Variants in ZNF318 observed in about 807,000 individuals in gnomAD.
The protein encoded by ZNF318 is zinc finger protein 318, also known as endocrine regulator.
In ZNF318, 51 loss-of-function variants were observed where a neutral mutation model predicts 124.2. The observed-to-expected ratio is 0.41, with a 90% CI of 0.33 to 0.52. The LOEUF is 0.52. Among genes scored for constraint, ZNF318 ranks in the 20% least tolerant of loss-of-function variants. The probability of loss-of-function intolerance (pLI) is 0.23; values close to 1 mark genes in which losing one functional copy is unlikely to be tolerated. For missense variants in ZNF318, 2,815 were observed against 2,811.2 expected (o/e 1.00, Z -0.03); for synonymous variants, 1,090 against 1,040.7 (o/e 1.05, Z -0.91).
chr6:43,355,950 C>A lies in ZNF318; in HGVS notation c.1384G>T (p.Asp462Tyr). The stretch of plus-strand genomic sequence containing the variant: ...AATTTTTCTCTGAGAGGACTGTTGT[C>A]TTTGGGAATCCCAGGAAGGGGACCC... ...QWGPLPGIPK[D>Y]NSPLREKFGS... The change falls in exon 4 of 10, where the codon GAC becomes TAC. Residue 462 changes from aspartate to tyrosine, a missense_variant. Transcript: ENST00000361428. 1.9e-6 allele frequency: 3 copies of A among 1,614,214 alleles called. No homozygotes were observed.
intron 1 of ZNF318, among the ~76,000 whole-genome samples, chr6:43,366,440 T>C (rs1779762279): frequency 6.6e-6 from 1 of 152,112 alleles, no homozygotes; most frequent in Admixed American, 6.5e-5. Context: ...CACCCTCACC[T>C]CCTTCAGATC....
At position 43,337,337 on chromosome 6, in the gene ZNF318, C is replaced by T; in HGVS notation, c.6661G>A (p.Ala2221Thr). 1.1e-5 allele frequency: 18 copies of T among 1,614,154 alleles called. No individual in the cohort carries two copies. Among genetic ancestry groups the T allele is most frequent in the Non-Finnish European group, 1.5e-5 (18 of 1,180,024 alleles). Reference protein sequence around the residue: ...EISNASTTEVAILQVDDDSGD... With the variant: ...EISNASTTEVTILQVDDDSGD... ...CTGTCATCATCTACTTGCAGAATTG[C>T]CACCTCTGTGGTGGATGCATTCGAT... The change falls in exon 10 of 10, where the codon GCA becomes ACA. Residue 2221 changes from alanine (A) to threonine (T), a missense_variant. Around this residue, in one of 4 missense-constraint regions of ZNF318, gnomAD observed 927 missense variants for 820.6 expected, o/e 1.13. Coordinates refer to ENST00000361428, the MANE Select transcript of ZNF318 (RefSeq NM_014345.3).
rs371600934 is a variant in ZNF318, at chr6:43,338,345, C to T, written c.5653G>A (p.Val1885Met). ...RSLLNPQDTPVKISAPELLLH... is the reference protein window; with the variant it reads ...RSLLNPQDTPMKISAPELLLH... Reference sequence around the variant, plus strand: ...AGCAACTCTGGGGCAGAAATTTTCACAGGTGTATCTTGTGGGTTGAGTAAA... The same window carrying T: ...AGCAACTCTGGGGCAGAAATTTTCATAGGTGTATCTTGTGGGTTGAGTAAA... Residue 1885 changes from valine to methionine, a missense_variant, in exon 10 of 10, where the codon GTG becomes ATG. By Grantham distance (21) the Val-to-Met change is conservative. Transcript: ENST00000361428. 3.7e-5 allele frequency: 60 copies of T among 1,614,078 alleles called. No homozygotes were observed. The highest frequency in any genetic ancestry group is 3.3e-5 in the Admixed American group (2 of 60,004).
intron 2 of ZNF318, among the ~76,000 whole-genome samples, chr6:43,364,999 T>C (rs2150758062): frequency 6.6e-6 from 1 of 152,334 alleles, no homozygotes; most frequent in East Asian, 1.9e-4. Context: ...ATCTCAACTG[T>C]TCTTCATTTG....
At position 43,339,154 on chromosome 6, in the gene ZNF318, G is replaced by A. The variant is rs1485609700; in HGVS notation, c.4844C>T (p.Thr1615Ile). 6.2e-7 allele frequency: 1 copy of A among 1,614,202 alleles called. No homozygotes were observed. The highest frequency in any genetic ancestry group is 8.5e-7 in the Non-Finnish European group (1 of 1,180,034). The change falls in exon 10 of 10, where the codon ACT (threonine) becomes ATT (isoleucine). Residue 1615 changes from threonine to isoleucine, a missense_variant. By Grantham distance (89) the Thr-to-Ile change is moderately conservative. Coordinates refer to ENST00000361428, the MANE Select transcript of ZNF318 (RefSeq NM_014345.3). The surrounding 1 kb of genome is among the most constrained non-coding windows in gnomAD (Gnocchi z 4.2). ...SRTKSSDTSS[T>I]SPLNSSASQE... Reference sequence around the variant, plus strand: ...GGATGCACTGCTGTTCAAAGGAGAAGTAGAAGAGGTGTCTGAACTTTTGGT... The same window carrying A: ...GGATGCACTGCTGTTCAAAGGAGAAATAGAAGAGGTGTCTGAACTTTTGGT...
rs1779744152 is a variant in ZNF318, at chr6:43,365,281, G to C, written c.548+11C>G. On this transcript the variant is annotated intron_variant, in intron 2 of 9. Coordinates refer to ENST00000361428, the MANE Select transcript of ZNF318 (RefSeq NM_014345.3). ...ACTAGTATAGTAGGCCCTGCCTTAG[G>C]TGATGCCTACCTGTCCATGTCTTCC... The C allele has an allele frequency of 6.2e-7, 1 of 1,612,600 alleles. No homozygotes were observed. Among genetic ancestry groups the C allele is most frequent in the Admixed American group, 1.7e-5 (1 of 59,894 alleles).
In ZNF318 at chr6:43,342,659, G is replaced by GA; in HGVS notation, c.3276+16dup. ...AGTGAGGGTGGGAGTGAAAATAACA[G>GA]AGAGTAGGATACCAACCTGTGTGTG... On this transcript the variant is annotated intron_variant, in intron 7 of 9. Transcript: ENST00000361428. 1 of 1,613,022 alleles carries GA rather than the reference G, an allele frequency of 6.2e-7. No individual in the cohort carries two copies. Among genetic ancestry groups the GA allele is most frequent in the South Asian group, 1.1e-5 (1 of 91,018 alleles).
rs1368288633 is a variant in ZNF318 at position 43,339,089 on chromosome 6, G to A, written c.4909C>T (p.Pro1637Ser). 3.7e-6 allele frequency: 6 copies of A among 1,614,052 alleles called. 1 individual carries two copies. The Admixed American group carries it at 6.7e-5, about 18-fold the overall frequency. Residue 1637 changes from proline (P) to serine (S), a missense_variant, in exon 10 of 10, where the codon CCT (proline) becomes TCT (serine). Physicochemically the swap from Pro to Ser is moderately conservative, Grantham distance 74. Around this residue, in one of 4 missense-constraint regions of ZNF318, gnomAD observed 927 missense variants for 820.6 expected, o/e 1.13. Coordinates refer to ENST00000361428, the MANE Select transcript of ZNF318 (RefSeq NM_014345.3). The surrounding 1 kb of genome is among the most constrained non-coding windows in gnomAD (Gnocchi z 4.2). ...LHQDEGLVAA[P>S]IVSNSEKPIA... ...GGCTTTTCAGAGTTGCTAACTATAG[G>A]AGCAGCGACCAAACCCTCATCTTGA...
rs757578024 is a variant in ZNF318, at chr6:43,355,105, T to C, written c.2229A>G (p.Pro743=). The part of the protein sequence containing the change: ...QSSVAVRCML[P]SAPSAPIRLP... ...GTCTAATTGGGGCAGATGGGGCTGA[T>C]GGCAACATGCACCTGACTGCAACAG... Residue 743 remains proline (P), a synonymous_variant, in exon 4 of 10, where the codon CCA becomes CCG. Coordinates refer to ENST00000361428, the MANE Select transcript of ZNF318 (RefSeq NM_014345.3). 9 of 1,614,200 alleles carry C rather than the reference T, an allele frequency of 5.6e-6. No homozygotes were observed. In the South Asian group the frequency reaches 6.6e-5, roughly 12 times the overall value.
In ZNF318 at chr6:43,363,481, C is replaced by T. The variant is rs1351136906; in HGVS notation, c.548+1811G>A. The T allele has an allele frequency of 3.5e-5, 7 of 200,782 alleles. No individual in the cohort carries two copies. The South Asian group carries it at 8.7e-4, about 25-fold the overall frequency. 12.4% of individuals were successfully genotyped at this position (200,782 alleles called of 1,614,324 possible). A position where few individuals can be genotyped will look rare whatever the true frequency, so the allele number is the denominator to read the frequency against. On this transcript the variant is annotated intron_variant, in intron 2 of 9. Coordinates refer to ENST00000361428, the MANE Select transcript of ZNF318 (RefSeq NM_014345.3). ...GGAGGGGGTGGGGCGGGGGCAGAGG[C>T]CCCGGGGGCCCTGGGATGGGAAACC...
In ZNF318 at chr6:43,355,781, G is replaced by C. The variant is rs1211814011; in HGVS notation, c.1553C>G (p.Thr518Ser). 1.2e-6 allele frequency: 2 copies of C among 1,614,160 alleles called. No individual in the cohort carries two copies. The highest frequency in any genetic ancestry group is 8.5e-7 in the Non-Finnish European group (1 of 1,180,024). The change falls in exon 4 of 10, where the codon ACC becomes AGC. Residue 518 changes from threonine (T) to serine (S), a missense_variant. Coordinates refer to ENST00000361428, the MANE Select transcript of ZNF318 (RefSeq NM_014345.3). The stretch of plus-strand genomic sequence containing the variant: ...ACGTCGCCTTTTTTCCTGTGTACTG[G>C]TAGAATCAGCCAACATGCTCAGAAT... Reference protein sequence around the residue: ...SRILSMLADSTSTQEKRRRSF... With the variant: ...SRILSMLADSSSTQEKRRRSF...
At chr6:43,359,623 T>G (rs1471231904) in intron 2 of ZNF318, among the ~76,000 whole-genome samples, 2 of 152,226 alleles carry the variant, frequency 1.3e-5, no homozygotes, top group Non-Finnish European at 1.5e-5. Flanking sequence ...AAATGACTTT[T>G]CCTTAGTTTT....
intron 4 of ZNF318, among the ~76,000 whole-genome samples, chr6:43,354,183 C>T (rs541864260): frequency 3.9e-5 from 6 of 152,152 alleles, no homozygotes; most frequent in Admixed American, 2.6e-4. Context: ...CTAAGATAAA[C>T]CAGAACAAGC....
At position 43,338,570 on chromosome 6, in the gene ZNF318, T is replaced by G; in HGVS notation, c.5428A>C (p.Asn1810His). The G allele has an allele frequency of 6.2e-7, 1 of 1,614,192 alleles. No homozygotes were observed. The highest frequency in any genetic ancestry group is 1.1e-5 in the South Asian group (1 of 91,084). ...SIGPHSIDDS[N>H]LNHGNRYMWE... Reference sequence around the variant, plus strand: ...ATGTATCTGTTTCCATGGTTCAAATTAGAATCATCTATGCTGTGGGGTCCA... The same window carrying G: ...ATGTATCTGTTTCCATGGTTCAAATGAGAATCATCTATGCTGTGGGGTCCA... The change falls in exon 10 of 10, where the codon AAT (asparagine) becomes CAT (histidine). Residue 1810 changes from asparagine to histidine, a missense_variant. Physicochemically the swap from Asn to His is moderately conservative, Grantham distance 68. Around this residue, in one of 4 missense-constraint regions of ZNF318, gnomAD observed 927 missense variants for 820.6 expected, o/e 1.13. Transcript: ENST00000361428.
intron 8 of ZNF318, among the ~76,000 whole-genome samples, chr6:43,341,654 GAAAAAA>G (rs11357632): frequency 8.2e-6 from 1 of 122,402 alleles, no homozygotes; most frequent in Non-Finnish European, 1.7e-5. Context: ...CATCTCAGAG[GAAAAAA>G]AAAAAAAAAA....
intron 1 of ZNF318, among the ~76,000 whole-genome samples, chr6:43,367,011 C>G (rs1244479650): frequency 6.6e-6 from 1 of 152,112 alleles, no homozygotes. Context: ...GCCACCAAGC[C>G]CGACTAATTA....
At position 43,339,481 on chromosome 6, in the gene ZNF318, G is replaced by A. The variant is rs1234736440; in HGVS notation, c.4517C>T (p.Ala1506Val). Residue 1506 changes from alanine (A) to valine (V), a missense_variant, in exon 10 of 10, where the codon GCC becomes GTC. This residue lies in a region of ZNF318 where 500 missense variants were observed against 605.2 expected (regional missense o/e 0.83). Transcript: ENST00000361428. The surrounding 1 kb of genome is among the most constrained non-coding windows in gnomAD (Gnocchi z 4.2). ...LNPVLPVAIM[A>V]SAQPAAIPSD... ...AGGAATGGCAGCTGGCTGTGCTGAG[G>A]CCATGATGGCTACAGGCAACACTGG... 6 of 1,614,126 alleles carry A rather than the reference G, an allele frequency of 3.7e-6. No individual in the cohort carries two copies. The South Asian group carries it at 6.6e-5, about 18-fold the overall frequency.
In ZNF318 at chr6:43,355,092, C is replaced by A. The variant is rs751962379; in HGVS notation, c.2242G>T (p.Ala748Ser). ...GCAGTGTGTGGAAGTCTAATTGGGG[C>A]AGATGGGGCTGATGGCAACATGCAC... ...VRCMLPSAPS[A>S]PIRLPHTAAL... The change falls in exon 4 of 10, where the codon GCC becomes TCC. Residue 748 changes from alanine (A) to serine (S), a missense_variant. By Grantham distance (99) the Ala-to-Ser change is moderately conservative. Transcript: ENST00000361428. 7 of 1,614,064 alleles carry A rather than the reference C, an allele frequency of 4.3e-6. No individual in the cohort carries two copies. In the Admixed American group the frequency reaches 8.3e-5, roughly 19 times the overall value.
chr6:43,338,274 T>C lies in ZNF318; in HGVS notation c.5724A>G (p.Pro1908=), dbSNP rs139633280. Residue 1908 remains proline (P), a synonymous_variant, in exon 10 of 10, where the codon CCA becomes CCG. Coordinates refer to ENST00000361428, the MANE Select transcript of ZNF318 (RefSeq NM_014345.3). The stretch of plus-strand genomic sequence containing the variant: ...TAACAACTGAAACTCCTTGCTCTTG[T>C]GGACTACCTGTTAAACACATAGCTG... The part of the protein sequence containing the change: ...ARSAMCLTGS[P]QEQGVSVVSE... 915 of 1,614,200 alleles carry C rather than the reference T, an allele frequency of 5.7e-4. 6 individuals are homozygous for C. The highest frequency in any genetic ancestry group is 8.3e-5 in the Non-Finnish European group (98 of 1,180,036).
Sources: allele counts gnomAD v4.1 joint callset (sites outside exome capture counted in the v4.1 genomes callset), GRCh38; gene constraint gnomAD v4.1.1; regional missense constraint gnomAD v4.1.1; non-coding constraint Gnocchi (gnomAD v3.1); transcripts MANE v1.5; gene names NCBI Gene and HGNC (gene_info 2026-07-23, HGNC 2026-07-21).